The following RBM26 variants were observed in gnomAD, a reference collection of about 807,000 sequenced individuals.
The protein encoded by RBM26 is RNA binding motif protein 26, also known as RNA-binding protein 26.
In RBM26, 30 loss-of-function variants were observed where a neutral mutation model predicts 123.6. The ratio of observed to expected loss-of-function variants is 0.24; its 90% CI spans 0.18 to 0.33. The LOEUF (loss-of-function observed/expected upper bound fraction) is 0.33. Among genes scored for constraint, RBM26 ranks in the 10% least tolerant of loss-of-function variants. The pLI is 1.00. For missense variants in RBM26, 947 were observed against 1,203.6 expected (o/e 0.79, Z 3.15); for synonymous variants, 400 against 404.4 (o/e 0.99, Z 0.13).
chr13:79,342,575 T>A (rs2071597601), intron 17 of RBM26, 89 bp downstream of exon 17: 1 of 1,045,634 alleles, frequency 9.6e-7, no homozygotes, highest in African/African-American at 1.6e-5. Flanking sequence ...GAACAGAAGA[T>A]ATTACCTACA....
At chr13:79,373,406 T>C (rs1456270898) in intron 3 of RBM26, among the ~76,000 whole-genome samples, 1 of 43,480 alleles carries the variant, frequency 2.3e-5, no homozygotes, top group Non-Finnish European at 3.8e-5. Flanking sequence ...ATATATATTA[T>C]ATACTATATA....
chr13:79,379,371 CAAAAAAAA>C lies in RBM26; in HGVS notation c.72-472_72-465del, dbSNP rs1160901778. On this transcript the variant is annotated intron_variant, in intron 1 of 21. Transcript: ENST00000438737. ...CAAAATGGCGAAACCCAGTCTCTACCAAAAAAAAAAAAAAAAAAAAAAAAAATTAGGCA... is the reference window on the plus strand; with the variant it reads ...CAAAATGGCGAAACCCAGTCTCTACCAAAAAAAAAAAAAAAAAATTAGGCA... Among the ~76,000 whole-genome samples the C allele has an allele frequency of 1.8e-3, 145 of 79,442 alleles. 2 individuals carry two copies. The highest frequency in any genetic ancestry group is 6.8e-3 in the African/African-American group (137 of 20,064). The allele number at this position is 79,442 out of a possible 152,430, so 52.1% of individuals were successfully genotyped here. A position where few individuals can be genotyped will look rare whatever the true frequency, so the allele number is the denominator to read the frequency against.
intron 3 of RBM26, among the ~76,000 whole-genome samples, chr13:79,373,975 T>C (rs2076408458): frequency 1.2e-3 from 1 of 846 alleles, no homozygotes; most frequent in South Asian, 0.083. Flanking sequence ...TCTAGGTAAT[T>C]AGAAAAAGGG....
chr13:79,384,037 C>T (rs2077280902), intron 1 of RBM26, among the ~76,000 whole-genome samples: 1 of 152,074 alleles, frequency 6.6e-6, no homozygotes, highest in Non-Finnish European at 1.5e-5. Context: ...GGACAGGAGT[C>T]CAGTGAAATG....
At chr13:79,340,183 A>T (rs1303596270) in intron 18 of RBM26, among the ~76,000 whole-genome samples, 1 of 152,000 alleles carries the variant, frequency 6.6e-6, no homozygotes, top group Non-Finnish European at 1.5e-5. Context: ...CCCAAAAAAA[A>T]TACTGGGCAG....
chr13:79,342,335 T>C (rs2071540963), intron 17 of RBM26, among the ~76,000 whole-genome samples: 1 of 151,832 alleles, frequency 6.6e-6, no homozygotes, highest in Admixed American at 6.6e-5. Flanking sequence ...TATTCATACT[T>C]GTCTATTATT....
Position 79,375,115 on chromosome 13 carries a change from A to ATATATTTATATATATCATAT in RBM26, c.327+2263_327+2264insATATGATATATATAAATATA, listed in dbSNP as rs2076562741. On this transcript the variant is annotated intron_variant, in intron 3 of 21. Coordinates refer to ENST00000438737, the MANE Select transcript of RBM26 (RefSeq NM_001366735.2). Reference sequence around the variant, plus strand: ...ATATATTTATATATATCATATAAATATATATTTATATTTTAAAAATAAATA... The same window carrying ATATATTTATATATATCATAT: ...ATATATTTATATATATCATATAAATATATATTTATATATATCATATTATATTTATATTTTAAAAATAAATA... Among the ~76,000 whole-genome samples the ATATATTTATATATATCATAT allele has an allele frequency of 2.2e-5, 3 of 136,952 alleles. No homozygotes were observed. In the East Asian group the frequency reaches 6.0e-4, roughly 27 times the overall value. The allele number at this position is 136,952 out of a possible 152,430, so 89.8% of individuals were successfully genotyped here.
At chr13:79,314,912 T>C, downstream of RBM26, 2 of 1,049,452 alleles carry the variant, frequency 1.9e-6, no homozygotes, top group Non-Finnish European at 2.6e-6. Flanking sequence ...GATGATATTA[T>C]TGTAACAGTC....
At chr13:79,399,487 A>T (rs1280004720) in intron 1 of RBM26, among the ~76,000 whole-genome samples, 2 of 152,226 alleles carry the variant, frequency 1.3e-5, no homozygotes, top group Admixed American at 1.3e-4. Context: ...ACGAAAGTTC[A>T]GCTTTGCTGA....
At position 79,368,833 on chromosome 13, in the gene RBM26, T is replaced by A. The variant is rs2075594116; in HGVS notation, c.792A>T (p.Gly264=). ...CAGACCAACTTTCGGTAGTGTTGTT[T>A]CCATGATGAGTAGGAGCAATTACTG... ...TITVIAPTHH[G]NNTTESWSEF... Residue 264 remains glycine, a synonymous_variant, in exon 6 of 22, where the codon GGA becomes GGT. Coordinates refer to ENST00000438737, the MANE Select transcript of RBM26 (RefSeq NM_001366735.2). 2.1e-5 allele frequency: 34 copies of A among 1,613,886 alleles called. No individual in the cohort carries two copies. The highest frequency in any genetic ancestry group is 2.9e-5 in the Non-Finnish European group (34 of 1,179,912).
intron 3 of RBM26, among the ~76,000 whole-genome samples, chr13:79,374,221 C>T (rs1196681858): frequency 1.3e-5 from 2 of 152,112 alleles, no homozygotes; most frequent in South Asian, 2.1e-4. Context: ...ATAATCCCAG[C>T]ACTTTTAAAG....
intron 1 of RBM26, among the ~76,000 whole-genome samples, chr13:79,392,969 G>C (rs953767145): frequency 6.6e-6 from 1 of 152,122 alleles, no homozygotes; most frequent in Non-Finnish European, 1.5e-5. Context: ...TCTTTTAGCA[G>C]TCATATACAC....
intron 20 of RBM26, among the ~76,000 whole-genome samples, chr13:79,322,998 A>G (rs2067869000): frequency 6.6e-6 from 1 of 151,494 alleles, no homozygotes; most frequent in Non-Finnish European, 1.5e-5. Context: ...ATGACCAACT[A>G]CCATAAAATG....
At chr13:79,390,402 T>C (rs1020611647) in intron 1 of RBM26, among the ~76,000 whole-genome samples, 4 of 152,062 alleles carry the variant, frequency 2.6e-5, no homozygotes, top group Non-Finnish European at 4.4e-5. Context: ...TACTAATATA[T>C]AGTGTAAAAA....
intron 1 of RBM26, among the ~76,000 whole-genome samples, chr13:79,382,064 TTAA>T (rs2077107824): frequency 6.6e-6 from 1 of 152,092 alleles, no homozygotes; most frequent in Admixed American, 6.6e-5. Flanking sequence ...CCACAGAAAT[TTAA>T]TAATATACTG....
At chr13:79,362,653 T>C (rs1011173868) in intron 9 of RBM26, among the ~76,000 whole-genome samples, 3 of 152,176 alleles carry the variant, frequency 2.0e-5, no homozygotes, top group Non-Finnish European at 4.4e-5. Context: ...CTTATTCCTG[T>C]CTCCCAAGTC....
chr13:79,337,198 A>ACCGCGC lies in RBM26; in HGVS notation c.2636_2637insGCGCGG (p.Arg878_Gly879dup), dbSNP rs781373640. On this transcript the variant is annotated inframe_insertion, in exon 19 of 22. Coordinates refer to ENST00000438737, the MANE Select transcript of RBM26 (RefSeq NM_001366735.2). ...GATCCACCACAGCATGACCAGGCAC[A>ACCGCGC]CCTCGCCCTCGCCCTCGCCCCCTGC... The ACCGCGC allele has an allele frequency of 3.7e-6, 6 of 1,614,012 alleles. No homozygotes were observed. Among genetic ancestry groups the ACCGCGC allele is most frequent in the Middle Eastern group, 1.6e-4 (1 of 6,062 alleles).
intron 20 of RBM26, among the ~76,000 whole-genome samples, chr13:79,331,635 C>CAA (rs774555503): frequency 1.6e-5 from 2 of 124,120 alleles, no homozygotes; most frequent in Non-Finnish European, 1.8e-5. Flanking sequence ...GACTCCGCCT[C>CAA]AAAAAAAAAA....
intron 1 of RBM26, among the ~76,000 whole-genome samples, chr13:79,393,814 G>A (rs1034258263): frequency 2.0e-5 from 3 of 152,116 alleles, no homozygotes; most frequent in Non-Finnish European, 4.4e-5. Context: ...AGAATGATAG[G>A]GTTAAAGCCT....
Sources: gnomAD v4.1 joint callset for allele counts (sites outside exome capture counted in the v4.1 genomes callset) on GRCh38, gnomAD v4.1.1 for gene constraint, MANE v1.5 for transcripts, NCBI Gene and HGNC (gene_info 2026-07-23, HGNC 2026-07-21) for gene names.